PITPNM1: variants seen among roughly 807,000 people sequenced by gnomAD.
The protein encoded by PITPNM1 is membrane-associated phosphatidylinositol transfer protein 1.
In PITPNM1, 74 loss-of-function variants were observed where a neutral mutation model predicts 133.3. That is an observed-to-expected ratio of 0.56 (90% CI 0.46 to 0.67). The LOEUF is 0.67. Among genes scored for constraint, PITPNM1 ranks in the 30% least tolerant of loss-of-function variants. The pLI, the probability that PITPNM1 is intolerant of heterozygous loss-of-function variation, is 0.00. For synonymous variants in PITPNM1, 738 were observed against 741.4 expected (o/e 1.00, Z 0.08); for missense variants, 1,398 against 1,739.5 (o/e 0.80, Z 3.49).
chr11:67,503,950 C>G (rs1250921525), intron 2 of PITPNM1, 153 bp downstream of exon 2: 2 of 562,670 alleles, frequency 3.6e-6, no homozygotes, highest in East Asian at 6.3e-5. Flanking sequence ...GCCCTCCTGC[C>G]CCTCTTCCCA....
intron 17 of PITPNM1, 39 bp from the exon 18 acceptor site, chr11:67,494,995 G>T: frequency 6.2e-7 from 1 of 1,605,952 alleles, no homozygotes; most frequent in Non-Finnish European, 8.5e-7. Flanking sequence ...TCTCTTAGGG[G>T]AGGGAGGGCT....
chr11:67,492,423 G>A (rs907484450), intron 23 of PITPNM1, 127 bp from the exon 24 acceptor site: 20 of 989,814 alleles, frequency 2.0e-5, no homozygotes, highest in Non-Finnish European at 2.6e-5. Flanking sequence ...AGCCTGAGCT[G>A]AAGCCTTCTC....
chr11:67,492,018 A>G lies in PITPNM1; in HGVS notation c.*15T>C. ...GTGTGTCAATAAATAACCCAGGTCC[A>G]GGCTGGTGTGGGCCTCACTCCTCGC... is the stretch of plus-strand genomic sequence containing the variant. On this transcript the variant is annotated 3_prime_UTR_variant, in exon 24 of 24. Transcript: ENST00000356404. The G allele has an allele frequency of 6.2e-7, 1 of 1,609,266 alleles. No individual in the cohort carries two copies. Among genetic ancestry groups the G allele is most frequent in the Non-Finnish European group, 8.5e-7 (1 of 1,177,806 alleles).
rs762215880 is a variant in PITPNM1 at position 67,497,972 on chromosome 11, C to T, written c.1727G>A (p.Cys576Tyr). ...CCCGGTGCCCGCGTTAGCACTGTGG[C>T]AGAGTGCATCAAAGCCCAGGATGCC... ...VGGILGFDAL[C>Y]HSANAGTGSR... The change falls in exon 12 of 24, where the codon TGC becomes TAC. Residue 576 changes from cysteine to tyrosine, a missense_variant. By Grantham distance (194) the Cys-to-Tyr change is radical (BLOSUM62 -2). Coordinates refer to ENST00000356404, the MANE Select transcript of PITPNM1 (RefSeq NM_004910.3). 2 of 1,611,248 alleles carry T rather than the reference C, an allele frequency of 1.2e-6. No individual in the cohort carries two copies. The highest frequency in any genetic ancestry group is 4.5e-5 in the East Asian group (2 of 44,882).
At position 67,493,652 on chromosome 11, in the gene PITPNM1, G is replaced by A. The variant is rs1278524007; in HGVS notation, c.3158+36C>T. On this transcript the variant is annotated intron_variant, in intron 21 of 23. Transcript: ENST00000356404. ...CCAGGGGTGAGGGGCCGGTCACCCC[G>A]GTGAAATGGGTGGTGGTGGCAGTGG... 8.4e-6 allele frequency: 13 copies of A among 1,544,966 alleles called. No individual in the cohort carries two copies. In the Admixed American group the frequency reaches 2.2e-4, roughly 26 times the overall value.
At chr11:67,495,702 C>T in intron 15 of PITPNM1, 100 bp from the exon 16 acceptor site, 1 of 1,186,186 alleles carries the variant, frequency 8.4e-7, no homozygotes, top group East Asian at 2.7e-5. Flanking sequence ...TGTGGCCCCT[C>T]TGGTCAGGTC....
At chr11:67,499,364 GGGAGCCAGTGTGGCTGGT>G (rs1454679635) in intron 8 of PITPNM1, among the ~76,000 whole-genome samples, 1 of 151,752 alleles carries the variant, frequency 6.6e-6, no homozygotes, top group African/African-American at 2.4e-5. Flanking sequence ...TTCAGTGCCT[GGGAGCCAGTGTGGCTGGT>G]GGTTATTGCC....
rs1341101382 is a variant in PITPNM1 at position 67,498,943 on chromosome 11, T to C, written c.1230A>G (p.Ser410=). The C allele has an allele frequency of 6.2e-7, 1 of 1,612,774 alleles. No homozygotes were observed. Among genetic ancestry groups the C allele is most frequent in the Admixed American group, 1.7e-5 (1 of 59,980 alleles). ...TGGGGTGGCTGACCATACTCGCCTC[T>C]GAGTCCCTGGGTGCTTGGGCCCCAT... The part of the protein sequence containing the change: ...IEDGAQAPRD[S]EGLDGAGELG... The change falls in exon 9 of 24, where the codon TCA becomes TCG. Residue 410 remains serine (S), a synonymous_variant. Transcript: ENST00000356404. The surrounding 1 kb of genome is among the most constrained non-coding windows in gnomAD (Gnocchi z 5.7).
Position 67,499,950 on chromosome 11 carries a change from C to T in PITPNM1, c.1027G>A (p.Glu343Lys). 1 of 1,612,536 alleles carries T rather than the reference C, an allele frequency of 6.2e-7. No individual in the cohort carries two copies. Among genetic ancestry groups the T allele is most frequent in the Non-Finnish European group, 8.5e-7 (1 of 1,179,826 alleles). The change falls in exon 7 of 24, where the codon GAG becomes AAG. Residue 343 changes from glutamate to lysine, a missense_variant. By Grantham distance (56) the Glu-to-Lys change is moderately conservative. Coordinates refer to ENST00000356404, the MANE Select transcript of PITPNM1 (RefSeq NM_004910.3). ...WRMQNIARDS[E>K]NSSEEEFFDA... ...AAGAACTCTTCCTCGGAGCTGTTCTCAGAGTCTCGGGCAATGTTCTGCATG... is the reference window on the plus strand; with the variant it reads ...AAGAACTCTTCCTCGGAGCTGTTCTTAGAGTCTCGGGCAATGTTCTGCATG...
intron 2 of PITPNM1, 116 bp downstream of exon 2, chr11:67,503,987 A>G: frequency 1.5e-6 from 1 of 686,008 alleles, no homozygotes; most frequent in African/African-American, 1.8e-5. Flanking sequence ...CCACATCTGA[A>G]GGGGGGCCTC....
intron 14 of PITPNM1, 187 bp from the exon 15 acceptor site, chr11:67,496,535 C>T (rs746383232): frequency 2.0e-4 from 109 of 539,868 alleles, no homozygotes; most frequent in Middle Eastern, 1.4e-3. Flanking sequence ...CACCGTGGCT[C>T]ATGCCTGGAA....
chr11:67,497,211 C>A lies in PITPNM1; in HGVS notation c.2146+20G>T. The A allele has an allele frequency of 6.4e-7, 1 of 1,570,078 alleles. No individual in the cohort carries two copies. The highest frequency in any genetic ancestry group is 8.7e-7 in the Non-Finnish European group (1 of 1,154,558). ...GGGCAGACAGAGACTAGAGGCGCCCCCGCAGCCCCTAGGACTCACCCTCCA... is the reference window on the plus strand; with the variant it reads ...GGGCAGACAGAGACTAGAGGCGCCCACGCAGCCCCTAGGACTCACCCTCCA... On this transcript the variant is annotated intron_variant, in intron 14 of 23. Coordinates refer to ENST00000356404, the MANE Select transcript of PITPNM1 (RefSeq NM_004910.3).
At chr11:67,494,793 T>A (rs569877641) in intron 18 of PITPNM1, 53 bp downstream of exon 18, 24 of 337,114 alleles carry the variant, frequency 7.1e-5, no homozygotes, top group African/African-American at 2.4e-4. Context: ...GCCTCTCTGG[T>A]GAGTGGGCGA....
In PITPNM1 at chr11:67,502,260, C is replaced by A; in HGVS notation, c.415+32G>T. The stretch of plus-strand genomic sequence containing the variant: ...GAGGCAGCCAGGAGCCTGAGAGGGG[C>A]GCCAGGGTCCCCCCATAGCTCCAGG... On this transcript the variant is annotated intron_variant, in intron 4 of 23. Coordinates refer to ENST00000356404, the MANE Select transcript of PITPNM1 (RefSeq NM_004910.3). This position sits in a 1 kb window ranked among gnomAD's most constrained non-coding sequence, Gnocchi z 5.9. 2 of 1,603,332 alleles carry A rather than the reference C, an allele frequency of 1.2e-6. No individual in the cohort carries two copies. The highest frequency in any genetic ancestry group is 1.1e-5 in the South Asian group (1 of 90,658).
chr11:67,502,237 G>A lies in PITPNM1; in HGVS notation c.415+55C>T. ...GGACTTCTCAGAGGCTGCCCACTGA[G>A]GCAGCCAGGAGCCTGAGAGGGGCGC... is the stretch of plus-strand genomic sequence containing the variant. On this transcript the variant is annotated intron_variant, in intron 4 of 23. Coordinates refer to ENST00000356404, the MANE Select transcript of PITPNM1 (RefSeq NM_004910.3). The surrounding 1 kb of genome is among the most constrained non-coding windows in gnomAD (Gnocchi z 5.9). The A allele has an allele frequency of 6.3e-7, 1 of 1,593,674 alleles. No homozygotes were observed. Among genetic ancestry groups the A allele is most frequent in the Non-Finnish European group, 8.5e-7 (1 of 1,170,738 alleles).
At position 67,494,050 on chromosome 11, in the gene PITPNM1, C is replaced by T. The variant is rs1866025721; in HGVS notation, c.2880G>A (p.Thr960=). 1.2e-6 allele frequency: 2 copies of T among 1,607,092 alleles called. No individual in the cohort carries two copies. Among genetic ancestry groups the T allele is most frequent in the Non-Finnish European group, 1.7e-6 (2 of 1,176,888 alleles). ...GGATCCACTTGCCCGACAGCGGCTG[C>T]GTCATGATGTAGACATCCACCTGGA... The part of the protein sequence containing the change: ...TGEKVDVYIM[T]QPLSGKWIHF... The change falls in exon 20 of 24, where the codon ACG becomes ACA. Residue 960 remains threonine (T), a synonymous_variant. Transcript: ENST00000356404.
chr11:67,498,432 G>T lies in PITPNM1; in HGVS notation c.1485-110C>A. 1.4e-6 allele frequency: 2 copies of T among 1,386,294 alleles called. No individual in the cohort carries two copies. The highest frequency in any genetic ancestry group is 1.9e-6 in the Non-Finnish European group (2 of 1,035,112). The allele number at this position is 1,386,294 out of a possible 1,614,324, so 85.9% of individuals were successfully genotyped here. A position where few individuals can be genotyped will look rare whatever the true frequency, so the allele number is the denominator to read the frequency against. On this transcript the variant is annotated intron_variant, in intron 10 of 23. Coordinates refer to ENST00000356404, the MANE Select transcript of PITPNM1 (RefSeq NM_004910.3). This position sits in a 1 kb window ranked among gnomAD's most constrained non-coding sequence, Gnocchi z 5.7. ...TGGCTCTGTGGGTCCTCTGTGGGGA[G>T]CGTTAGCCCCAAGAGGCAACTGAAA...
Position 67,491,905 on chromosome 11 carries a change from GAT to G in PITPNM1, c.*126_*127del. On this transcript the variant is annotated 3_prime_UTR_variant, in exon 24 of 24. Coordinates refer to ENST00000356404, the MANE Select transcript of PITPNM1 (RefSeq NM_004910.3). ...GAAGTAACACCGAGGAGCACACGGAGATATAGGGTGTGGGGCTGGGGGGGCCA... is the reference window on the plus strand; with the variant it reads ...GAAGTAACACCGAGGAGCACACGGAGATAGGGTGTGGGGCTGGGGGGGCCA... 9.8e-7 allele frequency: 1 copy of G among 1,016,650 alleles called. No individual in the cohort carries two copies. The highest frequency in any genetic ancestry group is 1.4e-6 in the Non-Finnish European group (1 of 700,452). The allele number at this position is 1,016,650 out of a possible 1,614,324, so 63.0% of individuals were successfully genotyped here.
rs530108138 is a variant in PITPNM1 at position 67,502,186 on chromosome 11, C to A, written c.416-100G>T. 5.8e-6 allele frequency: 9 copies of A among 1,555,392 alleles called. No homozygotes were observed. In the African/African-American group the frequency reaches 1.2e-4, roughly 21 times the overall value. ...ATGACAGTTCCCGTCCTTTTGCAGA[C>A]AGGACATGAGGCCTGGAGAGGGCTG... On this transcript the variant is annotated intron_variant, in intron 4 of 23. Coordinates refer to ENST00000356404, the MANE Select transcript of PITPNM1 (RefSeq NM_004910.3). The surrounding 1 kb of genome is among the most constrained non-coding windows in gnomAD (Gnocchi z 5.9).
Sources: gnomAD v4.1 joint callset for allele counts (sites outside exome capture counted in the v4.1 genomes callset) on GRCh38, gnomAD v4.1.1 for gene constraint, Gnocchi (gnomAD v3.1) non-coding constraint, MANE v1.5 for transcripts, NCBI Gene and HGNC (gene_info 2026-07-23, HGNC 2026-07-21) for gene names.